The following DNAH14 variants were observed in gnomAD, a reference collection of about 807,000 sequenced individuals.
The protein encoded by DNAH14 is dynein axonemal heavy chain 14, also known as axonemal beta dynein heavy chain 14.
Under a neutral mutation model 520.9 loss-of-function variants are expected in DNAH14, and 478 were observed. That is an observed-to-expected ratio of 0.92 (90% confidence interval 0.85 to 0.99). The LOEUF (loss-of-function observed/expected upper bound fraction) is 0.99, where lower values mean the gene tolerates loss of function less well. Among genes scored for constraint, DNAH14 ranks in the 50% least tolerant of loss-of-function variants. DNAH14 has a pLI of 0.00. For synonymous variants in DNAH14, 1,581 were observed against 1,757.2 expected (o/e 0.90, Z 2.51); for missense variants, 4,831 against 5,234.5 (o/e 0.92, Z 2.38).
Position 225,036,424 on chromosome 1 carries a change from C to T in DNAH14, c.1359-2270C>T, listed in dbSNP as rs552787851. Reference sequence around the variant, plus strand: ...TGCTGGGATTACAGGCCTAAGCCACCACGCCCTGCCCAGACTAAGAGTTTT... The same window carrying T: ...TGCTGGGATTACAGGCCTAAGCCACTACGCCCTGCCCAGACTAAGAGTTTT... On this transcript the variant is annotated intron_variant, in intron 11 of 85. Transcript: ENST00000682510. Among the ~76,000 whole-genome samples the T allele has an allele frequency of 4.4e-4, 67 of 152,110 alleles. 1 individual carries two copies. In the South Asian group the frequency reaches 0.014, roughly 32 times the overall value.
At chr1:225,177,831 A>T (rs1417444672) in intron 36 of DNAH14, among the ~76,000 whole-genome samples, 1 of 152,156 alleles carries the variant, frequency 6.6e-6, no homozygotes, top group Non-Finnish European at 1.5e-5. Flanking sequence ...CAGAAGGGAA[A>T]TGTGGGGTTG....
chr1:224,964,478 G>A lies in DNAH14; in HGVS notation c.368-1G>A, dbSNP rs750506412. The A allele has an allele frequency of 1.2e-4, 192 of 1,606,678 alleles. No homozygotes were observed. The highest frequency in any genetic ancestry group is 6.6e-4 in the Middle Eastern group (4 of 6,040). ...TGGATTTTTAAATTGTTCTATACCA[G>A]AACCAAAAGATGATGATGTGATAAG... On this transcript the variant is annotated splice_acceptor_variant, in intron 4 of 85. Coordinates refer to ENST00000682510, the MANE Select transcript of DNAH14 (RefSeq NM_001367479.1). LOFTEE classifies it high-confidence loss of function.
intron 23 of DNAH14, among the ~76,000 whole-genome samples, chr1:225,103,743 A>G (rs1396486637): frequency 6.6e-6 from 1 of 152,148 alleles, no homozygotes; most frequent in Non-Finnish European, 1.5e-5. Context: ...TTGATTTTGT[A>G]TCCTGAGACT....
At chr1:224,997,342 T>A (rs561417083) in intron 8 of DNAH14, among the ~76,000 whole-genome samples, 1 of 152,234 alleles carries the variant, frequency 6.6e-6, no homozygotes, top group South Asian at 2.1e-4. Flanking sequence ...CCTGGGAAAT[T>A]TTTTCTTTGT....
intron 23 of DNAH14, among the ~76,000 whole-genome samples, chr1:225,115,491 A>G (rs1032958013): frequency 1.3e-5 from 2 of 152,176 alleles, no homozygotes; most frequent in Non-Finnish European, 2.9e-5. Flanking sequence ...ATGAACCAAG[A>G]TTTTTATTCA....
chr1:225,368,019 C>A lies in DNAH14; in HGVS notation c.12305C>A (p.Ser4102Tyr). 6.5e-7 allele frequency: 1 copy of A among 1,547,984 alleles called. No homozygotes were observed. Among genetic ancestry groups the A allele is most frequent in the Non-Finnish European group, 8.7e-7 (1 of 1,145,992 alleles). ...LGWNIAYKFN[S>Y]SDLGVAIKVL... ...TGGAATATTGCTTATAAATTTAATT[C>A]TTCAGACTTGGGGGTAAGTGTAGTC... The change falls in exon 77 of 86, where the codon TCT becomes TAT. Residue 4102 changes from serine (S) to tyrosine (Y), a missense_variant. Coordinates refer to ENST00000682510, the MANE Select transcript of DNAH14 (RefSeq NM_001367479.1).
intron 52 of DNAH14, 32 bp downstream of exon 52, chr1:225,273,157 G>A: frequency 6.5e-7 from 1 of 1,529,970 alleles, no homozygotes. Flanking sequence ...TATTGGCCGG[G>A]TGTGGTGGCT....
intron 1 of DNAH14, among the ~76,000 whole-genome samples, chr1:224,949,391 T>C (rs1016464570): frequency 6.6e-6 from 1 of 152,194 alleles, no homozygotes; most frequent in Admixed American, 6.5e-5. Flanking sequence ...TGAACATATG[T>C]TCATTCTGCT....
At chr1:225,361,511 C>T (rs897299678) in intron 75 of DNAH14, among the ~76,000 whole-genome samples, 1 of 152,178 alleles carries the variant, frequency 6.6e-6, no homozygotes, top group Non-Finnish European at 1.5e-5. Context: ...TTTTCTCCAG[C>T]CTTGGTTTTC....
chr1:225,310,259 T>A (rs954829664), intron 60 of DNAH14, among the ~76,000 whole-genome samples: 1 of 151,974 alleles, frequency 6.6e-6, no homozygotes, highest in Non-Finnish European at 1.5e-5. Context: ...CAAAGCCAGA[T>A]ACATTAGGGC....
Position 225,399,134 on chromosome 1 carries a change from T to C in DNAH14, c.13719T>C (p.Pro4573=), listed in dbSNP as rs2150931862. The C allele has an allele frequency of 6.4e-7, 1 of 1,551,838 alleles. No individual in the cohort carries two copies. The highest frequency in any genetic ancestry group is 8.7e-7 in the Non-Finnish European group (1 of 1,146,982). ...TTGAATGCCCAGTTTACCAGACACC[T>C]GAGAGGTCAAGAATTTTGGCAACTA... is the stretch of plus-strand genomic sequence containing the variant. The part of the protein sequence containing the change: ...YAFECPVYQT[P]ERSRILATTG... Residue 4573 remains proline, a synonymous_variant, in exon 86 of 86, where the codon CCT becomes CCC. Coordinates refer to ENST00000682510, the MANE Select transcript of DNAH14 (RefSeq NM_001367479.1).
chr1:225,051,567 A>T lies in DNAH14; in HGVS notation c.2196A>T (p.Ile732=), dbSNP rs771725448. 2.6e-4 allele frequency: 408 copies of T among 1,550,932 alleles called. 1 individual carries two copies. The highest frequency in any genetic ancestry group is 3.3e-4 in the Non-Finnish European group (383 of 1,146,596). The change falls in exon 17 of 86, where the codon ATA becomes ATT. Residue 732 remains isoleucine, a synonymous_variant. Transcript: ENST00000682510. Reference sequence around the variant, plus strand: ...AGGCCAAAATCATGAGTATGAAAATATCATCTATGGGAGAATTAACTTCAA... The same window carrying T: ...AGGCCAAAATCATGAGTATGAAAATTTCATCTATGGGAGAATTAACTTCAA... The part of the protein sequence containing the change: ...TEKAKIMSMK[I]SSMGELTSKE...
rs115804652 is a variant in DNAH14, at chr1:225,298,150, G to A, written c.8470-2719G>A. 4.6e-3 allele frequency among the ~76,000 whole-genome samples: 706 copies of A among 152,200 alleles called. 6 individuals carry two copies. Among genetic ancestry groups the A allele is most frequent in the African/African-American group, 0.016 (685 of 41,540 alleles). On this transcript the variant is annotated intron_variant, in intron 55 of 85. Coordinates refer to ENST00000682510, the MANE Select transcript of DNAH14 (RefSeq NM_001367479.1). ...GGGCAACCCATGTAGCTATTTTTCA[G>A]GCCTAGGATGCAGGCAAAGGTTTGC... is the stretch of plus-strand genomic sequence containing the variant.
intron 41 of DNAH14, among the ~76,000 whole-genome samples, chr1:225,219,703 AT>A (rs1254439702): frequency 1.3e-5 from 2 of 152,210 alleles, no homozygotes; most frequent in African/African-American, 4.8e-5. Context: ...GACCAGACAG[AT>A]TAACATCTGA....
At chr1:225,387,350 C>T (rs989184034) in intron 81 of DNAH14, among the ~76,000 whole-genome samples, 8 of 152,010 alleles carry the variant, frequency 5.3e-5, no homozygotes, top group East Asian at 1.9e-4. Flanking sequence ...CAAACCTGCA[C>T]GTTGTGCACA....
chr1:225,082,197 T>TGTGTGTGTGC (rs374597749), intron 19 of DNAH14, among the ~76,000 whole-genome samples: 2 of 151,692 alleles, frequency 1.3e-5, no homozygotes, highest in Admixed American at 6.6e-5. Flanking sequence ...TGTGTGTGTG[T>TGTGTGTGTGC]GCACATGCGC....
chr1:224,935,621 G>T (rs1356347728), intron 1 of DNAH14, among the ~76,000 whole-genome samples: 4 of 151,728 alleles, frequency 2.6e-5, no homozygotes. Context: ...AATAGTAGGG[G>T]ACTTCAATAC....
chr1:225,144,351 A>G, intron 28 of DNAH14, 46 bp from the exon 29 acceptor site: 2 of 1,391,808 alleles, frequency 1.4e-6, no homozygotes, highest in Non-Finnish European at 2.0e-6. Flanking sequence ...AAATACATAA[A>G]AATAATTTAA....
intron 48 of DNAH14, among the ~76,000 whole-genome samples, chr1:225,266,290 T>A (rs2093114978): frequency 6.6e-6 from 1 of 152,112 alleles, no homozygotes. Context: ...AGTAAGTAAA[T>A]CTTGAATGAA....
Sources: allele counts gnomAD v4.1 joint callset (sites outside exome capture counted in the v4.1 genomes callset), GRCh38; gene constraint gnomAD v4.1.1; transcripts MANE v1.5; gene names NCBI Gene and HGNC (gene_info 2026-07-23, HGNC 2026-07-21).